The following OPCML variants were observed in gnomAD, a reference collection of about 807,000 sequenced individuals.
The protein encoded by OPCML is opioid-binding protein/cell adhesion molecule.
OPCML carries 13 observed loss-of-function variants against 37.8 expected under a neutral mutation model. That is an observed-to-expected ratio of 0.34 (90% CI 0.22 to 0.55). The LOEUF is 0.55. OPCML is among the 20% of genes least tolerant of loss of function. The pLI, the probability that OPCML is intolerant of heterozygous loss-of-function variation, is 0.91. For synonymous variants in OPCML, 176 were observed against 168.8 expected (o/e 1.04, Z -0.33); for missense variants, 341 against 435.6 (o/e 0.78, Z 1.93).
At chr11:133,446,468 G>A (rs941649621) in intron 1 of OPCML, among the ~76,000 whole-genome samples, 1 of 152,014 alleles carries the variant, frequency 6.6e-6, no homozygotes, top group Admixed American at 6.6e-5. Context: ...TCTGCTGCCT[G>A]GGCTGTAGTG....
chr11:132,514,879 A>T (rs73586948), intron 4 of OPCML, among the ~76,000 whole-genome samples: 3,560 of 152,214 alleles, frequency 0.023, 129 homozygotes, highest in African/African-American at 0.071. Flanking sequence ...AGTGGCTCAG[A>T]TCTTCACCAG....
chr11:133,480,161 G>A (rs1947343451), intron 1 of OPCML, among the ~76,000 whole-genome samples: 1 of 152,126 alleles, frequency 6.6e-6, no homozygotes, highest in African/African-American at 2.4e-5. Flanking sequence ...GGATGGCTTG[G>A]TCTCAGTCCT....
chr11:132,848,758 G>A (rs921299764), intron 2 of OPCML, among the ~76,000 whole-genome samples: 15 of 152,182 alleles, frequency 9.9e-5, no homozygotes, highest in African/African-American at 3.4e-4. Flanking sequence ...TCCTTATGCT[G>A]CCTCTCATCA....
At chr11:132,563,109 A>C (rs2096414202) in intron 3 of OPCML, among the ~76,000 whole-genome samples, 1 of 152,186 alleles carries the variant, frequency 6.6e-6, no homozygotes, top group African/African-American at 2.4e-5. Context: ...TTTTCTGTTC[A>C]TTAAGATAAA....
At chr11:132,893,323 C>T (rs1356538200) in intron 2 of OPCML, among the ~76,000 whole-genome samples, 1 of 152,188 alleles carries the variant, frequency 6.6e-6, no homozygotes, top group African/African-American at 2.4e-5. Flanking sequence ...AGCCATCATC[C>T]TCGGGAAATA....
At chr11:132,742,549 C>T (rs1382992649) in intron 2 of OPCML, among the ~76,000 whole-genome samples, 1 of 152,004 alleles carries the variant, frequency 6.6e-6, no homozygotes, top group Non-Finnish European at 1.5e-5. Context: ...TTGGAGTTCC[C>T]AGCCTCTAGA....
At chr11:133,045,599 T>C (rs1217724438) in intron 1 of OPCML, among the ~76,000 whole-genome samples, 2 of 152,176 alleles carry the variant, frequency 1.3e-5, no homozygotes, top group Non-Finnish European at 2.9e-5. Context: ...GGACACCGCC[T>C]CCCCGCTGGA....
At chr11:133,415,192 G>A (rs1184968252) in intron 1 of OPCML, among the ~76,000 whole-genome samples, 3 of 152,056 alleles carry the variant, frequency 2.0e-5, no homozygotes, top group East Asian at 3.9e-4. Context: ...GGCGGATCAC[G>A]AGGTCAGGAG....
chr11:132,675,179 GTGTA>G (rs747212388), intron 2 of OPCML, among the ~76,000 whole-genome samples: 24 of 103,528 alleles, frequency 2.3e-4, no homozygotes, highest in African/African-American at 8.6e-4. Context: ...GTGTGTGTGT[GTGTA>G]TATATATATA....
At chr11:133,468,789 A>C (rs1947033726) in intron 1 of OPCML, among the ~76,000 whole-genome samples, 1 of 152,216 alleles carries the variant, frequency 6.6e-6, no homozygotes, top group Admixed American at 6.5e-5. Flanking sequence ...TACCTTGTGA[A>C]ATCATCTACA....
At chr11:132,685,696 T>C (rs1446683290) in intron 2 of OPCML, among the ~76,000 whole-genome samples, 1 of 152,158 alleles carries the variant, frequency 6.6e-6, no homozygotes, top group Non-Finnish European at 1.5e-5. Context: ...TTCAGTCAGT[T>C]TGAGAAAAGG....
At chr11:132,692,332 G>A (rs2135893095) in intron 2 of OPCML, among the ~76,000 whole-genome samples, 1 of 152,246 alleles carries the variant, frequency 6.6e-6, no homozygotes, top group Non-Finnish European at 1.5e-5. Flanking sequence ...CTGTAATTAG[G>A]TGCTGGTAAT....
intron 2 of OPCML, among the ~76,000 whole-genome samples, chr11:132,877,934 T>C (rs1351498171): frequency 1.3e-5 from 2 of 152,200 alleles, no homozygotes; most frequent in East Asian, 1.9e-4. Context: ...ATATACATAT[T>C]GACATTAACT....
intron 2 of OPCML, among the ~76,000 whole-genome samples, chr11:132,802,636 A>G (rs1405500889): frequency 6.6e-6 from 1 of 152,150 alleles, no homozygotes; most frequent in African/African-American, 2.4e-5. Flanking sequence ...ATTAGAAAAT[A>G]CTGTACCACA....
intron 1 of OPCML, among the ~76,000 whole-genome samples, chr11:132,993,681 G>C (rs893460624): frequency 1.3e-5 from 2 of 152,148 alleles, no homozygotes; most frequent in African/African-American, 4.8e-5. Context: ...GACAGGGACA[G>C]AGAAAGATCT....
chr11:132,445,446 C>T (rs886501422), intron 4 of OPCML, among the ~76,000 whole-genome samples: 7 of 152,114 alleles, frequency 4.6e-5, no homozygotes, highest in Non-Finnish European at 1.0e-4. Flanking sequence ...AACTCTTTAC[C>T]GGGAAAAGTT....
At chr11:133,476,385 G>A (rs1226582314) in intron 1 of OPCML, among the ~76,000 whole-genome samples, 1 of 54,938 alleles carries the variant, frequency 1.8e-5, no homozygotes, top group Non-Finnish European at 3.7e-5. Context: ...TTTGTACTCT[G>A]TTGTTAGTTT....
At chr11:132,632,897 C>G (rs1402536268) in intron 3 of OPCML, among the ~76,000 whole-genome samples, 1 of 151,168 alleles carries the variant, frequency 6.6e-6, no homozygotes, top group Non-Finnish European at 1.5e-5. Flanking sequence ...ACTATTCAGC[C>G]TTTCTCGTAC....
Position 133,311,620 on chromosome 11 carries a change from A to G in OPCML, c.61+220644T>C, listed in dbSNP as rs190283007. Among the ~76,000 whole-genome samples the G allele has an allele frequency of 5.3e-5, 8 of 152,312 alleles. 1 individual carries two copies. Among genetic ancestry groups the G allele is most frequent in the Admixed American group, 4.6e-4 (7 of 15,304 alleles). Reference sequence around the variant, plus strand: ...AATGTATGATTCAGAGGGATCAAGAAAGAGAAATTTCAAGCAATTTGGGAA... The same window carrying G: ...AATGTATGATTCAGAGGGATCAAGAGAGAGAAATTTCAAGCAATTTGGGAA... On this transcript the variant is annotated intron_variant, in intron 1 of 7. Transcript: ENST00000524381.
Sources: gnomAD v4.1 joint callset for allele counts (sites outside exome capture counted in the v4.1 genomes callset) on GRCh38, gnomAD v4.1.1 for gene constraint, MANE v1.5 for transcripts, NCBI Gene and HGNC (gene_info 2026-07-23, HGNC 2026-07-21) for gene names.